SLC14A2: variants seen among roughly 807,000 people sequenced by gnomAD.
The protein encoded by SLC14A2 is solute carrier family 14 member 2.
In SLC14A2, 91 loss-of-function variants were observed where a neutral mutation model predicts 104.6. The ratio of observed to expected loss-of-function variants is 0.87; its 90% CI spans 0.73 to 1.04. The LOEUF (loss-of-function observed/expected upper bound fraction) is 1.04. Among genes scored for constraint, SLC14A2 ranks in the 50% least tolerant of loss-of-function variants. The pLI, the probability that SLC14A2 is intolerant of heterozygous loss-of-function variation, is 0.00. For missense variants in SLC14A2, 1,189 were observed against 1,156.0 expected (o/e 1.03, Z -0.41); for synonymous variants, 476 against 466.4 (o/e 1.02, Z -0.27).
chr18:45,655,486 T>G (rs1232718720), intron 10 of SLC14A2, among the ~76,000 whole-genome samples: 1 of 152,240 alleles, frequency 6.6e-6, no homozygotes, highest in Admixed American at 6.5e-5. Flanking sequence ...TCTGTGTGGC[T>G]ACATTTACTC....
chr18:45,665,688 CTTTTTTTTTTT>C (rs146248418), intron 11 of SLC14A2, among the ~76,000 whole-genome samples: 3 of 79,294 alleles, frequency 3.8e-5, no homozygotes, highest in Admixed American at 1.9e-4. Context: ...AACCAAGTTT[CTTTTTTTTTTT>C]TTTTTTTTTT....
the SLC14A2 span, among the ~76,000 whole-genome samples, chr18:45,175,212 A>G: frequency 1.3e-5 from 2 of 152,158 alleles, no homozygotes; most frequent in Non-Finnish European, 2.9e-5. Context: ...AAAGGACTGG[A>G]AACACACCAG....
intron 2 of SLC14A2, among the ~76,000 whole-genome samples, chr18:45,541,070 A>T (rs2043876565): frequency 6.6e-6 from 1 of 152,208 alleles, no homozygotes; most frequent in Non-Finnish European, 1.5e-5. Context: ...GCCTCCTCCC[A>T]GGGCACCATG....
intron 1 of SLC14A2, among the ~76,000 whole-genome samples, chr18:45,375,207 C>G (rs551509435): frequency 6.6e-6 from 1 of 152,276 alleles, no homozygotes; most frequent in South Asian, 2.1e-4. Flanking sequence ...CTCCTTCTTG[C>G]CTGGGGACTA....
chr18:45,241,482 C>T (rs1473560623), intron 1 of SLC14A2, among the ~76,000 whole-genome samples: 9 of 152,082 alleles, frequency 5.9e-5, no homozygotes, highest in East Asian at 1.9e-4. Flanking sequence ...TATCTGCTTC[C>T]GCTTGGCCAC....
rs1307892785 is a variant in SLC14A2 at position 45,669,325 on chromosome 18, C to G, written c.2056C>G (p.Leu686Val). ...CATCAGCCCCATCCTCTCCAGTGCCCTGGGTACCATCTTCAGCAAGTGGGA... is the reference window on the plus strand; with the variant it reads ...CATCAGCCCCATCCTCTCCAGTGCCGTGGGTACCATCTTCAGCAAGTGGGA... Reference protein sequence around the residue: ...SMSCPILSSALGTIFSKWDLP... With the variant: ...SMSCPILSSAVGTIFSKWDLP... The change falls in exon 16 of 20, where the codon CTG becomes GTG. Residue 686 changes from leucine (L) to valine (V), a missense_variant. Leu to Val is a conservative substitution (Grantham distance 32). Transcript: ENST00000255226. 4.3e-6 allele frequency: 7 copies of G among 1,613,426 alleles called. No homozygotes were observed. The East Asian group carries it at 1.6e-4, about 36-fold the overall frequency.
At chr18:45,341,240 CA>C (rs1568159123) in intron 1 of SLC14A2, among the ~76,000 whole-genome samples, 1 of 151,514 alleles carries the variant, frequency 6.6e-6, no homozygotes, top group African/African-American at 2.4e-5. Context: ...AAGTGTAAAG[CA>C]AAAAATTAAC....
chr18:45,241,033 A>G (rs1401896502), intron 1 of SLC14A2, among the ~76,000 whole-genome samples: 2 of 152,156 alleles, frequency 1.3e-5, no homozygotes, highest in African/African-American at 2.4e-5. Context: ...CTACCCTCTG[A>G]GAACCTTTAA....
chr18:45,452,343 T>G, intron 1 of SLC14A2, among the ~76,000 whole-genome samples: 1 of 152,236 alleles, frequency 6.6e-6, no homozygotes, highest in East Asian at 1.9e-4. Context: ...AAGTGCATTA[T>G]TGCCAATCAT....
intron 1 of SLC14A2, among the ~76,000 whole-genome samples, chr18:45,411,595 C>T (rs1204242022): frequency 6.6e-6 from 1 of 152,170 alleles, no homozygotes. Flanking sequence ...TCAACATTCA[C>T]CCAAAACATA....
chr18:45,187,594 C>A, the SLC14A2 span, among the ~76,000 whole-genome samples: 1 of 152,088 alleles, frequency 6.6e-6, no homozygotes, highest in African/African-American at 2.4e-5. Context: ...CTTTGATCAT[C>A]TAGCACTTTT....
At chr18:45,463,353 G>A (rs1037869956) in intron 1 of SLC14A2, among the ~76,000 whole-genome samples, 7 of 152,168 alleles carry the variant, frequency 4.6e-5, no homozygotes, top group African/African-American at 1.7e-4. Context: ...TCTCCCAAAT[G>A]TTCAGTTAGG....
intron 1 of SLC14A2, among the ~76,000 whole-genome samples, chr18:45,466,573 G>C (rs2087146799): frequency 6.8e-6 from 1 of 147,338 alleles, no homozygotes; most frequent in Non-Finnish European, 1.5e-5. Context: ...TAGATAGATG[G>C]AATCACCCAA....
rs145476070 is a variant in SLC14A2 at position 45,297,620 on chromosome 18, A to G, written c.-125+84429A>G. ...CTTAATCTACAAAATAGAAGTAAATATATCCACTCGGTTGATCCAACAGGA... is the reference window on the plus strand; with the variant it reads ...CTTAATCTACAAAATAGAAGTAAATGTATCCACTCGGTTGATCCAACAGGA... On this transcript the variant is annotated intron_variant, in intron 1 of 20. Coordinates refer to the SLC14A2 transcript ENST00000586448. Among the ~76,000 whole-genome samples the G allele has an allele frequency of 2.4e-4, 36 of 152,264 alleles. No homozygotes were observed. The East Asian group carries it at 6.2e-3, about 26-fold the overall frequency.
rs2044546258 is a variant in SLC14A2 at position 45,584,941 on chromosome 18, T to C, written c.-34-39690T>C. Reference sequence around the variant, plus strand: ...CGGAATATGAATAGGAAAACATGAGTTCTTTTCTTGGCTCCATCAAAAATA... The same window carrying C: ...CGGAATATGAATAGGAAAACATGAGCTCTTTTCTTGGCTCCATCAAAAATA... On this transcript the variant is annotated intron_variant, in intron 2 of 20. Coordinates refer to the SLC14A2 transcript ENST00000586448. 2.0e-5 allele frequency among the ~76,000 whole-genome samples: 3 copies of C among 152,142 alleles called. No homozygotes were observed. The South Asian group carries it at 6.2e-4, about 32-fold the overall frequency.
At chr18:45,570,528 C>A (rs114585463) in intron 2 of SLC14A2, among the ~76,000 whole-genome samples, 1,594 of 152,322 alleles carry the variant, frequency 0.01, 25 homozygotes, top group African/African-American at 0.037. Flanking sequence ...GAGCATGGTA[C>A]GTTGGAATTA....
intron 1 of SLC14A2, among the ~76,000 whole-genome samples, chr18:45,386,383 T>C (rs570671135): frequency 1.5e-4 from 23 of 152,180 alleles, no homozygotes; most frequent in Non-Finnish European, 3.2e-4. Context: ...ATTTCTGCAG[T>C]ATCTTCTAGA....
chr18:45,350,444 C>G (rs561532977), intron 1 of SLC14A2, among the ~76,000 whole-genome samples: 1 of 152,114 alleles, frequency 6.6e-6, no homozygotes, highest in African/African-American at 2.4e-5. Context: ...GGGAAGAGGC[C>G]GCAGTTCAGT....
chr18:45,472,904 G>A (rs2087278950), intron 1 of SLC14A2, among the ~76,000 whole-genome samples: 1 of 152,046 alleles, frequency 6.6e-6, no homozygotes, highest in Non-Finnish European at 1.5e-5. Flanking sequence ...GTCAATTCTG[G>A]CTTTTGTTGC....
Sources: gnomAD v4.1 joint callset for allele counts (sites outside exome capture counted in the v4.1 genomes callset) on GRCh38, gnomAD v4.1.1 for gene constraint, MANE v1.5 for transcripts, NCBI Gene and HGNC (gene_info 2026-07-23, HGNC 2026-07-21) for gene names.